The following THBS4 variants were observed in gnomAD, a reference collection of about 807,000 sequenced individuals.
The protein encoded by THBS4 is thrombospondin 4.
In THBS4, 90 loss-of-function variants were observed where a neutral mutation model predicts 115.7. The observed-to-expected ratio is 0.78, with a 90% CI of 0.66 to 0.93. The LOEUF (loss-of-function observed/expected upper bound fraction) is 0.93. Ranked by LOEUF, THBS4 falls within the 40% of genes least tolerant of loss-of-function variation. The pLI is 0.00. For missense variants in THBS4, 1,087 were observed against 1,232.7 expected (o/e 0.88, Z 1.77); for synonymous variants, 460 against 479.3 (o/e 0.96, Z 0.53).
Position 80,035,741 on chromosome 5 carries a change from T to TC in THBS4, c.88+119dup. 5.5e-6 allele frequency: 4 copies of TC among 724,836 alleles called. No homozygotes were observed. The South Asian group carries it at 2.4e-4, about 43-fold the overall frequency. 44.9% of individuals were successfully genotyped at this position (724,836 alleles called of 1,614,324 possible). On this transcript the variant is annotated intron_variant, in intron 1 of 21. Coordinates refer to ENST00000350881, the MANE Select transcript of THBS4 (RefSeq NM_003248.6). The surrounding 1 kb of genome is among the most constrained non-coding windows in gnomAD (Gnocchi z 4.6). ...TGTGGCCTTGCTCAGCCCCTCTCTG[T>TC]CCCTCCCGGGCCCAATCAAAGCATA...
intron 20 of THBS4, among the ~76,000 whole-genome samples, chr5:80,080,579 C>CTTTTTTTGTTTTTTTTTTTTTTTTTTTT (rs1743445235): frequency 2.0e-5 from 1 of 50,464 alleles, no homozygotes; most frequent in Non-Finnish European, 3.5e-5. Context: ...GCGCTTGTAT[C>CTTTTTTTGTTTTTTTTTTTTTTTTTTTT]TTTTTTTTTT....
chr5:80,073,344 A>C lies in THBS4; in HGVS notation c.1892+17A>C. The C allele has an allele frequency of 6.2e-7, 1 of 1,611,870 alleles. No individual in the cohort carries two copies. The highest frequency in any genetic ancestry group is 1.1e-5 in the South Asian group (1 of 90,958). ...TCAGGACAGGTATGGCATGTCTCCC[A>C]ACTGCAGAGAGACAGATGCAAACAT... On this transcript the variant is annotated intron_variant, in intron 15 of 21. Coordinates refer to ENST00000350881, the MANE Select transcript of THBS4 (RefSeq NM_003248.6).
chr5:80,070,686 A>G lies in THBS4; in HGVS notation c.1496A>G (p.Asp499Gly), dbSNP rs1264532594. The G allele has an allele frequency of 6.2e-7, 1 of 1,614,218 alleles. No individual in the cohort carries two copies. Among genetic ancestry groups the G allele is most frequent in the East Asian group, 2.2e-5 (1 of 44,888 alleles). ...YVPNSGQEDA[D>G]RDGIGDACDE... ...CCAAATTCTGGCCAAGAAGATGCAG[A>G]CAGAGATGGCATTGGCGACGCTTGT... is the stretch of plus-strand genomic sequence containing the variant. The change falls in exon 12 of 22, where the codon GAC (aspartate) becomes GGC (glycine). Residue 499 changes from aspartate to glycine, a missense_variant. Asp to Gly is a moderately conservative substitution (Grantham distance 94). Around this residue, in one of 3 missense-constraint regions of THBS4, gnomAD observed 979 missense variants for 1,103.7 expected, o/e 0.89. Transcript: ENST00000350881.
chr5:80,010,738 A>G (rs1832107077), intron 2 of THBS4, among the ~76,000 whole-genome samples: 1 of 152,262 alleles, frequency 6.6e-6, no homozygotes, highest in African/African-American at 2.4e-5. Context: ...CAGTACAGTC[A>G]CAACAAGGTC....
rs777772108 is a variant in THBS4, at chr5:80,076,841, C to A, written c.1893-14C>A. On this transcript the variant is annotated splice_polypyrimidine_tract_variant and intron_variant, in intron 15 of 21. Transcript: ENST00000350881. ...CTGAACTGTGAGCCACATCACCTGT[C>A]CTTTCTCCTGCAGTGATGGAGATGG... 2 of 1,549,736 alleles carry A rather than the reference C, an allele frequency of 1.3e-6. No individual in the cohort carries two copies. Among genetic ancestry groups the A allele is most frequent in the Non-Finnish European group, 1.7e-6 (2 of 1,145,044 alleles).
intron 7 of THBS4, 131 bp downstream of exon 7, chr5:80,060,036 C>A: frequency 2.5e-6 from 2 of 802,030 alleles, no homozygotes; most frequent in Non-Finnish European, 4.0e-6. Context: ...AAACCACTTG[C>A]TTGGAGACCC....
intron 2 of THBS4, chr5:80,053,214 T>G (rs1369787509): frequency 6.6e-6 from 1 of 152,168 alleles, no homozygotes; most frequent in African/African-American, 2.4e-5. Context: ...CCTCCTTTTT[T>G]TTTTACTTAA....
intron 1 of THBS4, among the ~76,000 whole-genome samples, chr5:79,996,742 C>A (rs779562324): frequency 3.9e-5 from 6 of 151,978 alleles, no homozygotes; most frequent in Non-Finnish European, 8.8e-5. Context: ...TAAATGAAAC[C>A]AAAATGAGAA....
At chr5:80,077,820 A>G (rs1561329028) in intron 16 of THBS4, among the ~76,000 whole-genome samples, 1 of 152,180 alleles carries the variant, frequency 6.6e-6, no homozygotes, top group Non-Finnish European at 1.5e-5. Context: ...TGATCTTTCA[A>G]AAAACTCTGG....
chr5:80,079,840 A>G, intron 19 of THBS4, 65 bp from the exon 20 acceptor site: 6 of 1,533,574 alleles, frequency 3.9e-6, no homozygotes, highest in Non-Finnish European at 5.4e-6. Context: ...ATCACTTCAG[A>G]TCCAGGAAGC....
intron 7 of THBS4, among the ~76,000 whole-genome samples, 179 bp from the exon 8 acceptor site, chr5:80,061,516 C>T (rs930515136): frequency 1.3e-5 from 2 of 152,186 alleles, no homozygotes; most frequent in Admixed American, 1.3e-4. Context: ...AAAAAGCAAC[C>T]TCAGATTGTG....
At chr5:80,070,967 G>C in intron 12 of THBS4, 54 bp from the exon 13 acceptor site, 3 of 1,603,312 alleles carry the variant, frequency 1.9e-6, no homozygotes, top group Non-Finnish European at 1.7e-6. Context: ...CACAACAATG[G>C]AGGAAGTGGA....
At chr5:80,058,163 G>T in intron 3 of THBS4, 43 bp from the exon 4 acceptor site, 1 of 1,490,156 alleles carries the variant, frequency 6.7e-7, no homozygotes, top group South Asian at 1.2e-5. Context: ...ATTGGCTTTT[G>T]AACAGTGTCA....
chr5:80,071,167 CATGG>C lies in THBS4; in HGVS notation c.1713_1716del (p.Asp571GlufsTer4), dbSNP rs1834036525. On this transcript the variant is annotated frameshift_variant, in exon 13 of 22. Transcript: ENST00000350881. LOFTEE classifies it high-confidence loss of function. ...GAAGAGGAGATGCCTGTGATGATGA[CATGG>C]ATGGAGATGGTAGATTTATCTTGCT... The C allele has an allele frequency of 1.9e-6, 3 of 1,582,448 alleles. No homozygotes were observed. Among genetic ancestry groups the C allele is most frequent in the Non-Finnish European group, 2.6e-6 (3 of 1,169,776 alleles).
At chr5:80,054,822 C>T (rs548602162) in intron 2 of THBS4, among the ~76,000 whole-genome samples, 2 of 152,114 alleles carry the variant, frequency 1.3e-5, no homozygotes, top group Admixed American at 6.5e-5. Flanking sequence ...TGCTGAGGGA[C>T]GATATGACAG....
At position 80,041,388 on chromosome 5, in the gene THBS4, A is replaced by G. The variant is rs567235856; in HGVS notation, c.292+1108A>G. 1.4e-4 allele frequency among the ~76,000 whole-genome samples: 22 copies of G among 152,272 alleles called. No individual in the cohort carries two copies. The South Asian group carries it at 2.5e-3, about 17-fold the overall frequency. ...ATTAGGAGTTCAGTATATGAATTTGATGGGGCGGGAGGAAGGGGACAGATA... is the reference window on the plus strand; with the variant it reads ...ATTAGGAGTTCAGTATATGAATTTGGTGGGGCGGGAGGAAGGGGACAGATA... On this transcript the variant is annotated intron_variant, in intron 2 of 21. Transcript: ENST00000350881.
Position 80,035,410 on chromosome 5 carries a change from C to T in THBS4, c.-128C>T. ...AGCGCGCCCCCGACGGCAGCCCGGACGCCGAGCACGGGTCACCTGCGGCGC... is the reference window on the plus strand; with the variant it reads ...AGCGCGCCCCCGACGGCAGCCCGGATGCCGAGCACGGGTCACCTGCGGCGC... On this transcript the variant is annotated 5_prime_UTR_variant, in exon 1 of 22. In the 5' UTR this introduces an upstream ATG that the reference lacks. Coordinates refer to ENST00000350881, the MANE Select transcript of THBS4 (RefSeq NM_003248.6). This position sits in a 1 kb window ranked among gnomAD's most constrained non-coding sequence, Gnocchi z 4.6. 1 of 471,604 alleles carries T rather than the reference C, an allele frequency of 2.1e-6. No individual in the cohort carries two copies. Among genetic ancestry groups the T allele is most frequent in the Non-Finnish European group, 3.2e-6 (1 of 316,156 alleles). 29.2% of individuals were successfully genotyped at this position (471,604 alleles called of 1,614,324 possible).
intron 16 of THBS4, 27 bp downstream of exon 16, chr5:80,077,075 C>A (rs755733233): frequency 1.0e-5 from 16 of 1,542,806 alleles, no homozygotes; most frequent in Admixed American, 3.8e-5. Context: ...CAGAGCTGCA[C>A]AGCACCCCTG....
At chr5:80,082,215 C>A in intron 20 of THBS4, 191 bp from the exon 21 acceptor site, 1 of 663,270 alleles carries the variant, frequency 1.5e-6, no homozygotes. Flanking sequence ...CGGTCCCTGC[C>A]CTCAAGGACT....
Sources: gnomAD v4.1 joint callset for allele counts (sites outside exome capture counted in the v4.1 genomes callset) on GRCh38, gnomAD v4.1.1 for gene constraint, gnomAD v4.1.1 regional missense constraint, Gnocchi (gnomAD v3.1) non-coding constraint, MANE v1.5 for transcripts, NCBI Gene and HGNC (gene_info 2026-07-23, HGNC 2026-07-21) for gene names.